Variants in TUBGCP2 observed in about 807,000 individuals in gnomAD.
TUBGCP2 encodes the protein tubulin gamma complex component 2, also known as gamma-tubulin complex component 2.
TUBGCP2 carries 55 observed loss-of-function variants against 92.2 expected under a neutral mutation model. The ratio of observed to expected loss-of-function variants is 0.60; its 90% CI spans 0.48 to 0.75. TUBGCP2 has a LOEUF of 0.75. Ranked by LOEUF, TUBGCP2 falls within the 30% of genes least tolerant of loss-of-function variation. The pLI is 0.00. For missense variants in TUBGCP2, 1,093 were observed against 1,188.9 expected (o/e 0.92, Z 1.19); for synonymous variants, 533 against 505.2 (o/e 1.06, Z -0.74).
chr10:133,304,129 C>G (rs1847750441), intron 1 of TUBGCP2, among the ~76,000 whole-genome samples: 1 of 152,132 alleles, frequency 6.6e-6, no homozygotes, highest in Non-Finnish European at 1.5e-5. Flanking sequence ...GGCCAGGAGT[C>G]AAGACAGCCT....
chr10:133,279,933 C>A (rs552971624), intron 17 of TUBGCP2, 32 bp from the exon 18 acceptor site: 2 of 1,600,432 alleles, frequency 1.2e-6, no homozygotes, highest in African/African-American at 2.7e-5. Flanking sequence ...CTGGGGTGCA[C>A]ACCCCTTCTG....
At chr10:133,299,721 CA>C in intron 3 of TUBGCP2, 118 bp from the exon 4 acceptor site, 1 of 952,028 alleles carries the variant, frequency 1.1e-6, no homozygotes. Flanking sequence ...CCATTAATAG[CA>C]AAGCGACGCG....
chr10:133,281,410 C>T lies in TUBGCP2; in HGVS notation c.2436G>A (p.Val812=). ...TGGCCTCGAAGCCGGACACCAGCTG[C>T]ACAGTGTCTGCGTGCTCAGCCAGGT... ...RKHLAEHADT[V]QLVSGFEATI... Residue 812 remains valine, a synonymous_variant, in exon 17 of 18, where the codon GTG becomes GTA. Transcript: ENST00000252936. 2 of 1,613,450 alleles carry T rather than the reference C, an allele frequency of 1.2e-6. No homozygotes were observed. Among genetic ancestry groups the T allele is most frequent in the Non-Finnish European group, 1.7e-6 (2 of 1,180,012 alleles).
At chr10:133,310,628 C>T (rs920723231), upstream of TUBGCP2, 1 of 336,282 alleles carries the variant, frequency 3.0e-6, no homozygotes, top group Non-Finnish European at 5.7e-6. Flanking sequence ...GTCATCCGCA[C>T]TCACACCCCT....
At chr10:133,283,512 G>C (rs1414426255) in intron 14 of TUBGCP2, among the ~76,000 whole-genome samples, 2 of 152,258 alleles carry the variant, frequency 1.3e-5, no homozygotes, top group East Asian at 3.8e-4. Flanking sequence ...GATGCGCAAT[G>C]TGGGAGAGAC....
chr10:133,289,207 C>T (rs900517197), intron 9 of TUBGCP2, among the ~76,000 whole-genome samples, 187 bp from the exon 10 acceptor site: 2 of 152,214 alleles, frequency 1.3e-5, no homozygotes, highest in Admixed American at 1.3e-4. Flanking sequence ...TGAGGCGGCT[C>T]CACACCCTTG....
chr10:133,285,202 G>A lies in TUBGCP2; in HGVS notation c.1907C>T (p.Thr636Ile). The stretch of plus-strand genomic sequence containing the variant: ...GTGCCTGAAGAGCATCTGGTAGCGA[G>A]TGAGGGCTTTCCTGCAAGAGACGTG... ...LSLIINRKAL[T>I]RYQMLFRHMF... The change falls in exon 13 of 18, where the codon ACT (threonine) becomes ATT (isoleucine). Residue 636 changes from threonine to isoleucine, a missense_variant. Coordinates refer to ENST00000252936, the MANE Select transcript of TUBGCP2 (RefSeq NM_006659.4). This position sits in a 1 kb window ranked among gnomAD's most constrained non-coding sequence, Gnocchi z 6.8. 6.2e-7 allele frequency: 1 copy of A among 1,612,714 alleles called. No individual in the cohort carries two copies. The highest frequency in any genetic ancestry group is 8.5e-7 in the Non-Finnish European group (1 of 1,180,002).
chr10:133,288,968 C>T lies in TUBGCP2; in HGVS notation c.1413G>A (p.Val471=), dbSNP rs1847205487. The T allele has an allele frequency of 6.2e-7, 1 of 1,614,214 alleles. No individual in the cohort carries two copies. Among genetic ancestry groups the T allele is most frequent in the Non-Finnish European group, 8.5e-7 (1 of 1,180,020 alleles). The change falls in exon 10 of 18, where the codon GTG becomes GTA. Residue 471 remains valine (V), a synonymous_variant. Coordinates refer to ENST00000252936, the MANE Select transcript of TUBGCP2 (RefSeq NM_006659.4). The stretch of plus-strand genomic sequence containing the variant: ...TTAACGTGTAGATGATCTCTTTAGC[C>T]ACCGGGCAGGTGACGTCATGGCCAC... The part of the protein sequence containing the change: ...RECGHDVTCP[V]AKEIIYTLKE...
At chr10:133,279,955 T>C (rs777248898) in intron 17 of TUBGCP2, 54 bp from the exon 18 acceptor site, 2 of 1,581,980 alleles carry the variant, frequency 1.3e-6, no homozygotes, top group Non-Finnish European at 1.7e-6. Flanking sequence ...GGGTGCATGC[T>C]GGGCAGCAGG....
At chr10:133,301,371 C>T (rs1227041711) in intron 2 of TUBGCP2, among the ~76,000 whole-genome samples, 1 of 152,084 alleles carries the variant, frequency 6.6e-6, no homozygotes, top group African/African-American at 2.4e-5. Context: ...GTGATCCACC[C>T]GCCTCGGCCT....
chr10:133,299,396 T>C (rs1847576094), intron 4 of TUBGCP2, 31 bp downstream of exon 4: 1 of 1,542,000 alleles, frequency 6.5e-7, no homozygotes, highest in African/African-American at 1.4e-5. Context: ...TGCTGCAGCA[T>C]GGAGCCTGTG....
In TUBGCP2 at chr10:133,289,956, C is replaced by T. The variant is rs200445961; in HGVS notation, c.1228G>A (p.Glu410Lys). The stretch of plus-strand genomic sequence containing the variant: ...CTCTCCTTCCGCAGCTCGTGCTCCT[C>T]GACCATAAACTCACTAAAACCACAG... ...IHDPYSEFMV[E>K]EHELRKERIQ... The change falls in exon 9 of 18, where the codon GAG becomes AAG. Residue 410 changes from glutamate to lysine, a missense_variant. By Grantham distance (56) the Glu-to-Lys change is moderately conservative. Around this residue, in one of 3 missense-constraint regions of TUBGCP2, gnomAD observed 598 missense variants for 675.5 expected, o/e 0.89. Coordinates refer to ENST00000252936, the MANE Select transcript of TUBGCP2 (RefSeq NM_006659.4). 265 of 1,613,816 alleles carry T rather than the reference C, an allele frequency of 1.6e-4. No individual in the cohort carries two copies. The highest frequency in any genetic ancestry group is 9.9e-4 in the Middle Eastern group (6 of 6,038).
chr10:133,293,766 G>A lies in TUBGCP2; in HGVS notation c.620C>T (p.Thr207Met), dbSNP rs368752612. The A allele has an allele frequency of 1.8e-5, 28 of 1,582,478 alleles. No homozygotes were observed. In the Admixed American group the frequency reaches 2.4e-4, roughly 13 times the overall value. ...CGACTCCTGCGAGGCCAGGGGCAAC[G>A]TGCCTGCGGGCACAGACAGCGCTGT... ...ISTDTALPIG[T>M]LPLASQESAV... The change falls in exon 6 of 18, where the codon ACG (threonine) becomes ATG (methionine). Residue 207 changes from threonine to methionine, a missense_variant. Transcript: ENST00000252936.
chr10:133,294,892 G>C (rs1847454007), intron 5 of TUBGCP2, among the ~76,000 whole-genome samples: 1 of 152,268 alleles, frequency 6.6e-6, no homozygotes, highest in East Asian at 1.9e-4. Context: ...GGCCTTCTCA[G>C]GATGACCAAT....
At chr10:133,290,396 G>A (rs1847254498) in intron 8 of TUBGCP2, 1 of 159,610 alleles carries the variant, frequency 6.3e-6, no homozygotes, top group African/African-American at 2.4e-5. Context: ...GGGAGGTTAA[G>A]GCAGGGGAAT....
intron 5 of TUBGCP2, among the ~76,000 whole-genome samples, chr10:133,296,756 G>A (rs1356710179): frequency 1.3e-5 from 2 of 152,228 alleles, no homozygotes; most frequent in African/African-American, 2.4e-5. Flanking sequence ...GATTACAGGT[G>A]TGAGCCACCA....
chr10:133,291,174 G>A (rs1367472715), intron 8 of TUBGCP2: 1 of 411,374 alleles, frequency 2.4e-6, no homozygotes, highest in Non-Finnish European at 4.1e-6. Context: ...CATCTGCCCG[G>A]GGTGTGCTTT....
chr10:133,286,166 G>A (rs752093304), intron 11 of TUBGCP2, among the ~76,000 whole-genome samples: 54 of 152,156 alleles, frequency 3.5e-4, no homozygotes, highest in Non-Finnish European at 6.0e-4. Context: ...GCGGACAGAC[G>A]AAATCGTGAC....
rs917838545 is a variant in TUBGCP2 at position 133,293,546 on chromosome 10, C to G, written c.824+16G>C. 1 of 1,549,618 alleles carries G rather than the reference C, an allele frequency of 6.5e-7. No individual in the cohort carries two copies. The highest frequency in any genetic ancestry group is 8.7e-7 in the Non-Finnish European group (1 of 1,146,314). On this transcript the variant is annotated intron_variant, in intron 6 of 17. Coordinates refer to ENST00000252936, the MANE Select transcript of TUBGCP2 (RefSeq NM_006659.4). ...CACAACAGCGCAGGCTCCCAGGGAC[C>G]GCGCCCGGTGCCCACCTGGTCACAG... is the stretch of plus-strand genomic sequence containing the variant.
Sources: gnomAD v4.1 joint callset for allele counts (sites outside exome capture counted in the v4.1 genomes callset) on GRCh38, gnomAD v4.1.1 for gene constraint, gnomAD v4.1.1 regional missense constraint, Gnocchi (gnomAD v3.1) non-coding constraint, MANE v1.5 for transcripts, NCBI Gene and HGNC (gene_info 2026-07-23, HGNC 2026-07-21) for gene names.